The following PCDHAC1 variants were observed in gnomAD, a reference collection of about 807,000 sequenced individuals.
PCDHAC1 encodes protocadherin alpha subfamily C, 1.
Under a neutral mutation model 60.0 loss-of-function variants are expected in PCDHAC1, and 42 were observed. The ratio of observed to expected loss-of-function variants is 0.70; its 90% CI spans 0.55 to 0.90. PCDHAC1 has a LOEUF of 0.90. PCDHAC1 is among the 40% of genes least tolerant of loss of function. The pLI is 0.00. For missense variants in PCDHAC1, 1,160 were observed against 1,222.3 expected (o/e 0.95, Z 0.76); for synonymous variants, 468 against 499.3 (o/e 0.94, Z 0.84).
At chr5:140,982,585 A>G (rs782780327) in intron 3 of PCDHAC1, 22 bp downstream of exon 3, 1 of 1,611,974 alleles carries the variant, frequency 6.2e-7, no homozygotes, top group Non-Finnish European at 8.5e-7. Context: ...GGGTCTCTCC[A>G]TTCTTTCTTG....
intron 1 of PCDHAC1, among the ~76,000 whole-genome samples, chr5:140,975,301 C>A (rs943526337): frequency 2.3e-4 from 35 of 152,200 alleles, no homozygotes; most frequent in African/African-American, 8.4e-4. Flanking sequence ...TTAAAGAGCT[C>A]ATGTGATTAT....
At chr5:140,950,555 C>T (rs1421946616) in intron 1 of PCDHAC1, among the ~76,000 whole-genome samples, 1 of 151,964 alleles carries the variant, frequency 6.6e-6, no homozygotes, top group Non-Finnish European at 1.5e-5. Flanking sequence ...GCTGGGGGGA[C>T]ACTTATTTTA....
intron 1 of PCDHAC1, among the ~76,000 whole-genome samples, chr5:140,962,009 G>C (rs545144318): frequency 1.3e-4 from 19 of 151,596 alleles, no homozygotes; most frequent in African/African-American, 3.6e-4. Flanking sequence ...TCAGCTTCCC[G>C]AGTAGCTGGG....
Position 140,927,739 on chromosome 5 carries a change from CG to C in PCDHAC1, c.848del (p.Arg283ProfsTer13). 2 of 1,614,212 alleles carry C rather than the reference CG, an allele frequency of 1.2e-6. No individual in the cohort carries two copies. The highest frequency in any genetic ancestry group is 1.7e-6 in the Non-Finnish European group (2 of 1,180,038). On this transcript the variant is annotated frameshift_variant, in exon 1 of 4. Coordinates refer to ENST00000253807, the MANE Select transcript of PCDHAC1 (RefSeq NM_018898.5). LOFTEE classifies it high-confidence loss of function. ...CAGCACGCAAGCAGAGCTGCGACAC[CG>C]CTTTCACGTGCACCCTAAAAGTGGG... The part of the protein sequence containing the change: ...SNSTQAELRH[R>X]FHVHPKSGEV...
chr5:140,967,490 C>G (rs1554229615), intron 1 of PCDHAC1: 2 of 1,613,210 alleles, frequency 1.2e-6, no homozygotes, highest in East Asian at 2.2e-5. Context: ...GGGTACGGCA[C>G]AGATCTCTGT....
At chr5:140,951,936 C>G (rs2153694375) in intron 1 of PCDHAC1, among the ~76,000 whole-genome samples, 1 of 152,278 alleles carries the variant, frequency 6.6e-6, no homozygotes, top group Admixed American at 6.5e-5. Context: ...TCCCAAGATA[C>G]AGTGCGGGTA....
chr5:140,980,275 C>G (rs1288435032), intron 2 of PCDHAC1, among the ~76,000 whole-genome samples: 1 of 152,196 alleles, frequency 6.6e-6, no homozygotes. Flanking sequence ...AGTACCAACT[C>G]TTGAAAAGTA....
chr5:140,980,036 G>A (rs952735379), intron 2 of PCDHAC1, among the ~76,000 whole-genome samples: 9 of 152,294 alleles, frequency 5.9e-5, no homozygotes, highest in Non-Finnish European at 1.0e-4. Flanking sequence ...ATTACATTGG[G>A]TGCTATTTCT....
At chr5:141,003,143 ACT>A (rs1162243146) in intron 3 of PCDHAC1, among the ~76,000 whole-genome samples, 1 of 152,180 alleles carries the variant, frequency 6.6e-6, no homozygotes, top group East Asian at 1.9e-4. Context: ...CTTGGCAAAG[ACT>A]CTGACCTGAT....
intron 1 of PCDHAC1, among the ~76,000 whole-genome samples, chr5:140,937,540 C>T (rs2091570481): frequency 2.0e-5 from 3 of 152,116 alleles, no homozygotes; most frequent in East Asian, 3.9e-4. Flanking sequence ...TTGCTTGAAC[C>T]TGCGAGGCAG....
At chr5:140,996,699 C>T (rs1462785057) in intron 3 of PCDHAC1, among the ~76,000 whole-genome samples, 3 of 152,146 alleles carry the variant, frequency 2.0e-5, no homozygotes, top group Non-Finnish European at 2.9e-5. Flanking sequence ...TTCTGAACCT[C>T]TATCTCTTTG....
intron 3 of PCDHAC1, among the ~76,000 whole-genome samples, chr5:140,993,956 C>T (rs2097588909): frequency 6.6e-6 from 1 of 152,140 alleles, no homozygotes; most frequent in Admixed American, 6.5e-5. Flanking sequence ...TGATACATGA[C>T]TGTAGTCATC....
intron 3 of PCDHAC1, among the ~76,000 whole-genome samples, chr5:140,985,992 G>A (rs1173402846): frequency 3.3e-5 from 5 of 152,068 alleles, no homozygotes; most frequent in African/African-American, 4.8e-5. Context: ...GCCCACCTCA[G>A]CCTCCCAAAG....
At chr5:141,000,391 CTCTCTA>C (rs1434799221) in intron 3 of PCDHAC1, among the ~76,000 whole-genome samples, 1,083 of 55,870 alleles carry the variant, frequency 0.019, 5 homozygotes, top group Non-Finnish European at 0.023. Context: ...CTCTCTCTCT[CTCTCTA>C]TATATATATA....
chr5:140,930,072 C>G (rs2086579078), intron 1 of PCDHAC1: 1 of 152,132 alleles, frequency 6.6e-6, no homozygotes, highest in Admixed American at 6.5e-5. Flanking sequence ...AACTGTAAGC[C>G]TCTCTCATAA....
intron 1 of PCDHAC1, among the ~76,000 whole-genome samples, chr5:140,977,204 A>G (rs1051271481): frequency 9.9e-5 from 15 of 152,170 alleles, no homozygotes; most frequent in Non-Finnish European, 1.6e-4. Context: ...AGTTGCAGCA[A>G]TTTTCATCAT....
intron 1 of PCDHAC1, chr5:140,968,814 G>A: frequency 1.5e-5 from 24 of 1,614,232 alleles, no homozygotes; most frequent in Non-Finnish European, 1.9e-5. Context: ...GTGGTGGATA[G>A]GGTTTCCAAA....
In PCDHAC1 at chr5:140,993,459, T is replaced by TTC. The variant is rs202191067; in HGVS notation, c.2581+10899_2581+10900dup. 1.1e-4 allele frequency among the ~76,000 whole-genome samples: 9 copies of TTC among 83,038 alleles called. No individual in the cohort carries two copies. The East Asian group carries it at 1.5e-3, about 13-fold the overall frequency. 54.5% of individuals were successfully genotyped at this position (83,038 alleles called of 152,430 possible). Reference sequence around the variant, plus strand: ...ATTCATTCCTGTTCTCCTTCTTTCTTTCTCACACACACACACACACACACA... The same window carrying TTC: ...ATTCATTCCTGTTCTCCTTCTTTCTTTCTCTCACACACACACACACACACACA... On this transcript the variant is annotated intron_variant, in intron 3 of 3. Coordinates refer to ENST00000253807, the MANE Select transcript of PCDHAC1 (RefSeq NM_018898.5).
At chr5:140,956,057 T>C (rs2095252530) in intron 1 of PCDHAC1, among the ~76,000 whole-genome samples, 1 of 152,308 alleles carries the variant, frequency 6.6e-6, no homozygotes, top group South Asian at 2.1e-4. Flanking sequence ...GCTGAGACAA[T>C]GGGGTTTTCC....
Sources: gnomAD v4.1 joint callset for allele counts (sites outside exome capture counted in the v4.1 genomes callset) on GRCh38, gnomAD v4.1.1 for gene constraint, MANE v1.5 for transcripts, NCBI Gene and HGNC (gene_info 2026-07-23, HGNC 2026-07-21) for gene names.